CPNE9: variants seen among roughly 807,000 people sequenced by gnomAD.
CPNE9 encodes copine family member 9.
Under a neutral mutation model 83.0 loss-of-function variants are expected in CPNE9, and 59 were observed. That is an observed-to-expected ratio of 0.71 (90% CI 0.58 to 0.88). The LOEUF (loss-of-function observed/expected upper bound fraction) is 0.88, where lower values mean the gene tolerates loss of function less well. Ranked by LOEUF, CPNE9 falls within the 40% of genes least tolerant of loss-of-function variation. The pLI, the probability that CPNE9 is intolerant of heterozygous loss-of-function variation, is 0.00. For missense variants in CPNE9, 619 were observed against 720.8 expected (o/e 0.86, Z 1.62); for synonymous variants, 256 against 273.4 (o/e 0.94, Z 0.63).
In CPNE9 at chr3:9,718,055, C is replaced by A; in HGVS notation, c.958C>A (p.His320Asn). ...GAATCCTCTGCAGCCTACCTCCCTG[C>A]ACTACATGAGTCCCTACCAGCTCAG... ...NGNPLQPTSL[H>N]YMSPYQLSAY... The change falls in exon 16 of 21, where the codon CAC becomes AAC. Residue 320 changes from histidine to asparagine, a missense_variant. Around this residue, in one of 3 missense-constraint regions of CPNE9, gnomAD observed 438 missense variants for 562.9 expected, o/e 0.78. Coordinates refer to ENST00000383832, the MANE Select transcript of CPNE9 (RefSeq NM_153635.3). 1.2e-6 allele frequency: 2 copies of A among 1,613,368 alleles called. No individual in the cohort carries two copies. The highest frequency in any genetic ancestry group is 1.7e-6 in the Non-Finnish European group (2 of 1,179,618).
chr3:9,721,915 T>TGTTTTTA (rs1293648241), intron 17 of CPNE9, among the ~76,000 whole-genome samples: 1 of 151,900 alleles, frequency 6.6e-6, no homozygotes, highest in African/African-American at 2.4e-5. Flanking sequence ...AACTGTTTTT[T>TGTTTTTA]GTTTTTAGTT....
In CPNE9 at chr3:9,704,612, T is replaced by G; in HGVS notation, c.94T>G (p.Ser32Ala). ...CRNLLDLDTFSKSDPMVVLYT... is the reference protein window; with the variant it reads ...CRNLLDLDTFAKSDPMVVLYT... ...GAACCTGCTAGACCTTGATACCTTC[T>G]CCAAGTCCGACCCCAGTAGGCGGCT... Residue 32 changes from serine (S) to alanine (A), a missense_variant, in exon 2 of 21, where the codon TCC becomes GCC. Coordinates refer to ENST00000383832, the MANE Select transcript of CPNE9 (RefSeq NM_153635.3). This position sits in a 1 kb window ranked among gnomAD's most constrained non-coding sequence, Gnocchi z 7.1. 4 of 1,613,956 alleles carry G rather than the reference T, an allele frequency of 2.5e-6. No homozygotes were observed. The highest frequency in any genetic ancestry group is 2.5e-6 in the Non-Finnish European group (3 of 1,179,908).
Position 9,706,002 on chromosome 3 carries a change from G to T in CPNE9, c.316G>T (p.Ala106Ser). ...ISKPKDFLGQ[A>S]FLALGEVIGG... ...TCCTGCATAGGATTTCCTGGGACAA[G>T]CGTTCCTGGCCCTGGGAGAGGTGAT... Residue 106 changes from alanine (A) to serine (S), a missense_variant, in exon 7 of 21, where the codon GCG (alanine) becomes TCG (serine). Ala to Ser is a moderately conservative substitution (Grantham distance 99). Around this residue, in one of 3 missense-constraint regions of CPNE9, gnomAD observed 438 missense variants for 562.9 expected, o/e 0.78. Transcript: ENST00000383832. The T allele has an allele frequency of 1.9e-6, 3 of 1,613,606 alleles. No individual in the cohort carries two copies. The highest frequency in any genetic ancestry group is 2.5e-6 in the Non-Finnish European group (3 of 1,180,006).
chr3:9,715,036 C>G (rs2076667704), intron 11 of CPNE9, 81 bp downstream of exon 11: 8 of 1,329,550 alleles, frequency 6.0e-6, no homozygotes, highest in Non-Finnish European at 7.5e-6. Context: ...CACTGAGAAC[C>G]CCAAAGTAGC....
chr3:9,706,858 G>GT (rs1177834102), intron 7 of CPNE9, among the ~76,000 whole-genome samples: 4 of 152,192 alleles, frequency 2.6e-5, no homozygotes, highest in Non-Finnish European at 4.4e-5. Flanking sequence ...CAAAAGCCTG[G>GT]TGCATTCAAA....
At chr3:9,708,215 G>A (rs1035336262) in intron 7 of CPNE9, among the ~76,000 whole-genome samples, 2 of 152,188 alleles carry the variant, frequency 1.3e-5, no homozygotes, top group African/African-American at 2.4e-5. Flanking sequence ...GCCTCCCAAA[G>A]TGCTGGGATT....
chr3:9,704,067 G>T lies in CPNE9; in HGVS notation c.68+3G>T. 1.2e-6 allele frequency: 2 copies of T among 1,604,930 alleles called. No homozygotes were observed. Among genetic ancestry groups the T allele is most frequent in the Non-Finnish European group, 8.5e-7 (1 of 1,176,894 alleles). On this transcript the variant is annotated splice_donor_region_variant and intron_variant, in intron 1 of 20. Coordinates refer to ENST00000383832, the MANE Select transcript of CPNE9 (RefSeq NM_153635.3). The surrounding 1 kb of genome is among the most constrained non-coding windows in gnomAD (Gnocchi z 7.1). ...ATTGAAATTACCGTGTCCTGCCGGTGAGCGGGCCGCGCTGGGGAGGGCTTA... is the reference window on the plus strand; with the variant it reads ...ATTGAAATTACCGTGTCCTGCCGGTTAGCGGGCCGCGCTGGGGAGGGCTTA...
At chr3:9,723,255 T>C (rs764385007) in intron 17 of CPNE9, among the ~76,000 whole-genome samples, 9 of 152,076 alleles carry the variant, frequency 5.9e-5, no homozygotes, top group Non-Finnish European at 1.3e-4. Flanking sequence ...GCGGATCACT[T>C]GAGGTCAGGA....
chr3:9,727,637 T>G (rs1161945792), intron 20 of CPNE9, among the ~76,000 whole-genome samples: 1 of 152,160 alleles, frequency 6.6e-6, no homozygotes, highest in African/African-American at 2.4e-5. Flanking sequence ...CCAGAAGAAC[T>G]GGCCCGATCC....
Position 9,704,947 on chromosome 3 carries a change from C to G in CPNE9, c.213C>G (p.Phe71Leu), listed in dbSNP as rs1342499584. 1 of 1,613,440 alleles carries G rather than the reference C, an allele frequency of 6.2e-7. No individual in the cohort carries two copies. The highest frequency in any genetic ancestry group is 2.2e-5 in the East Asian group (1 of 44,872). ...TGAACCCAGACTTCGTGCGCAAATT[C>G]GTCCTCGACTATTTCTTTGAGGAAA... ...NTLNPDFVRK[F>L]VLDYFFEEKQ... The change falls in exon 4 of 21, where the codon TTC (phenylalanine) becomes TTG (leucine). Residue 71 changes from phenylalanine to leucine, a missense_variant. Phe to Leu is a conservative substitution (Grantham distance 22). Transcript: ENST00000383832. The surrounding 1 kb of genome is among the most constrained non-coding windows in gnomAD (Gnocchi z 7.1).
chr3:9,724,168 C>A (rs986743291), intron 17 of CPNE9, among the ~76,000 whole-genome samples: 3 of 151,592 alleles, frequency 2.0e-5, no homozygotes, highest in Non-Finnish European at 2.9e-5. Context: ...TCTCCCACTA[C>A]CTTTGTGCCC....
intron 11 of CPNE9, 43 bp downstream of exon 11, chr3:9,714,998 A>C: frequency 6.4e-7 from 1 of 1,567,864 alleles, no homozygotes; most frequent in Non-Finnish European, 8.8e-7. Context: ...ACTTGACCCA[A>C]GCAGTTCTCA....
intron 17 of CPNE9, among the ~76,000 whole-genome samples, chr3:9,721,720 T>A (rs1446062423): frequency 1.3e-5 from 2 of 152,220 alleles, no homozygotes; most frequent in South Asian, 2.1e-4. Context: ...GAGTTTAATA[T>A]GACTAGAGTG....
chr3:9,726,049 A>C lies in CPNE9; in HGVS notation c.1342A>C (p.Ser448Arg), dbSNP rs756166218. 1.2e-5 allele frequency: 19 copies of C among 1,594,812 alleles called. No individual in the cohort carries two copies. Among genetic ancestry groups the C allele is most frequent in the African/African-American group, 4.1e-5 (3 of 73,766 alleles). Reference protein sequence around the residue: ...DMTQTKEAIVSASSLPMSIII... With the variant: ...DMTQTKEAIVRASSLPMSIII... Reference sequence around the variant, plus strand: ...GACGCAGACCAAGGAGGCCATCGTCAGCGTGAGTCTGAGGAGGAGGGCTTG... The same window carrying C: ...GACGCAGACCAAGGAGGCCATCGTCCGCGTGAGTCTGAGGAGGAGGGCTTG... The change falls in exon 18 of 21, where the codon AGC becomes CGC. Residue 448 changes from serine to arginine, a missense_variant and splice_region_variant. By Grantham distance (110) the Ser-to-Arg change is moderately radical. Coordinates refer to ENST00000383832, the MANE Select transcript of CPNE9 (RefSeq NM_153635.3).
chr3:9,705,124 C>A, intron 4 of CPNE9, 130 bp downstream of exon 4: 2 of 720,082 alleles, frequency 2.8e-6, no homozygotes, highest in East Asian at 5.4e-5. Flanking sequence ...TTCTGAATGG[C>A]CCCCTCTAGC....
intron 16 of CPNE9, 128 bp downstream of exon 16, chr3:9,718,338 G>A: frequency 7.2e-7 from 1 of 1,382,420 alleles, no homozygotes; most frequent in Non-Finnish European, 1.0e-6. Flanking sequence ...GGATAGCAGA[G>A]CAGGGAGGGG....
chr3:9,705,982 C>A lies in CPNE9; in HGVS notation c.301-5C>A. The A allele has an allele frequency of 6.2e-7, 1 of 1,613,136 alleles. No individual in the cohort carries two copies. The highest frequency in any genetic ancestry group is 8.5e-7 in the Non-Finnish European group (1 of 1,179,932). ...CTGGTCTTGCTGACTCCTTGTCCTG[C>A]ATAGGATTTCCTGGGACAAGCGTTC... On this transcript the variant is annotated splice_polypyrimidine_tract_variant and splice_region_variant and intron_variant, in intron 6 of 20. Coordinates refer to ENST00000383832, the MANE Select transcript of CPNE9 (RefSeq NM_153635.3).
chr3:9,712,458 T>C, intron 7 of CPNE9, 83 bp from the exon 8 acceptor site: 1 of 1,094,946 alleles, frequency 9.1e-7, no homozygotes, highest in South Asian at 1.2e-5. Flanking sequence ...CTGAATCCCC[T>C]GGCCCACCTA....
chr3:9,712,420 A>T lies in CPNE9; in HGVS notation c.378-121A>T. On this transcript the variant is annotated intron_variant, in intron 7 of 20. Coordinates refer to ENST00000383832, the MANE Select transcript of CPNE9 (RefSeq NM_153635.3). ...CCTTCCTCACCAGAAGGCACTCAAG[A>T]CACAAGGGACTGTCAGTAAATGGCA... is the stretch of plus-strand genomic sequence containing the variant. 5 of 804,798 alleles carry T rather than the reference A, an allele frequency of 6.2e-6. No individual in the cohort carries two copies. The South Asian group carries it at 7.0e-5, about 11-fold the overall frequency. 49.9% of individuals were successfully genotyped at this position (804,798 alleles called of 1,614,324 possible). A position where few individuals can be genotyped will look rare whatever the true frequency, so the allele number is the denominator to read the frequency against.
Sources: gnomAD v4.1 joint callset for allele counts (sites outside exome capture counted in the v4.1 genomes callset) on GRCh38, gnomAD v4.1.1 for gene constraint, gnomAD v4.1.1 regional missense constraint, Gnocchi (gnomAD v3.1) non-coding constraint, MANE v1.5 for transcripts, NCBI Gene and HGNC (gene_info 2026-07-23, HGNC 2026-07-21) for gene names.